The following DLG2 variants were observed in gnomAD, a reference collection of about 807,000 sequenced individuals.
DLG2 encodes discs large MAGUK scaffold protein 2, also known as disks large homolog 2.
Under a neutral mutation model 132.5 loss-of-function variants are expected in DLG2, and 45 were observed. The ratio of observed to expected loss-of-function variants is 0.34; its 90% confidence interval spans 0.27 to 0.44. The LOEUF (loss-of-function observed/expected upper bound fraction) is 0.44, where lower values mean the gene tolerates loss of function less well. DLG2 is among the 20% of genes least tolerant of loss of function. The pLI, the probability that DLG2 is intolerant of heterozygous loss-of-function variation, is 1.00. For synonymous variants in DLG2, 424 were observed against 419.6 expected, an observed-to-expected ratio of 1.01 and a Z score of -0.13; for missense variants, 1,045 against 1,196.9, an observed-to-expected ratio of 0.87 and a Z score of 1.87.
intron 18 of DLG2, among the ~76,000 whole-genome samples, chr11:83,673,498 A>G (rs1432875138): frequency 7.9e-5 from 12 of 152,242 alleles, no homozygotes; most frequent in African/African-American, 2.4e-4. Context: ...GAAGCAAGCA[A>G]GACAATAATG....
chr11:84,446,804 T>C (rs1458780032), intron 7 of DLG2, among the ~76,000 whole-genome samples: 1 of 152,094 alleles, frequency 6.6e-6, no homozygotes, highest in African/African-American at 2.4e-5. Flanking sequence ...TCAAGTGTCC[T>C]GCCCTGAATG....
intron 11 of DLG2, among the ~76,000 whole-genome samples, chr11:84,006,240 C>T (rs1396258869): frequency 6.6e-6 from 1 of 151,622 alleles, no homozygotes; most frequent in Non-Finnish European, 1.5e-5. Context: ...ACAATTATTG[C>T]ATGTTTTCAC....
chr11:85,598,548 A>G (rs1306679106), intron 3 of DLG2, 109 bp downstream of exon 3: 1 of 686,944 alleles, frequency 1.5e-6, no homozygotes, highest in Non-Finnish European at 2.1e-6. Flanking sequence ...ATTAAAGAAA[A>G]TTATCCCAGT....
At chr11:84,086,228 GAAC>G (rs2096977841) in intron 10 of DLG2, among the ~76,000 whole-genome samples, 1 of 152,052 alleles carries the variant, frequency 6.6e-6, no homozygotes, top group Non-Finnish European at 1.5e-5. Context: ...ATCTTTAAAT[GAAC>G]AACAATATGA....
intron 7 of DLG2, 67 bp from the exon 8 acceptor site, chr11:84,251,358 A>G (rs1307489247): frequency 4.9e-6 from 6 of 1,233,490 alleles, no homozygotes; most frequent in Non-Finnish European, 6.7e-6. Context: ...TATTTCTGTT[A>G]ACTTATTTAA....
Position 83,776,391 on chromosome 11 carries a change from G to C in DLG2, c.1825+10299C>G, listed in dbSNP as rs74362953. ...GCTGGATTGCTGTGATGTGAACATAGCTCACTGCATCCTTGAACTGCTGGT... is the reference window on the plus strand; with the variant it reads ...GCTGGATTGCTGTGATGTGAACATACCTCACTGCATCCTTGAACTGCTGGT... On this transcript the variant is annotated intron_variant, in intron 18 of 27. Transcript: ENST00000376104. 8.5e-3 allele frequency among the ~76,000 whole-genome samples: 1,296 copies of C among 152,206 alleles called. 18 individuals are homozygous for C. The highest frequency in any genetic ancestry group is 0.029 in the African/African-American group (1,224 of 41,528).
intron 4 of DLG2, among the ~76,000 whole-genome samples, chr11:85,169,379 A>T (rs2078684746): frequency 6.6e-6 from 1 of 152,178 alleles, no homozygotes; most frequent in Non-Finnish European, 1.5e-5. Flanking sequence ...AAATAAACTG[A>T]TAACATGAAA....
At chr11:83,765,156 G>A (rs1457390583) in intron 18 of DLG2, among the ~76,000 whole-genome samples, 2 of 152,164 alleles carry the variant, frequency 1.3e-5, no homozygotes, top group Non-Finnish European at 2.9e-5. Context: ...ATAGCCTAAA[G>A]AAAGTCCTGG....
chr11:83,499,744 G>A (rs1230889200), intron 21 of DLG2, among the ~76,000 whole-genome samples: 1 of 146,396 alleles, frequency 6.8e-6, no homozygotes, highest in African/African-American at 2.5e-5. Context: ...GGTATCTTGT[G>A]ATCTTGTGAG....
At chr11:85,364,489 A>G (rs2084389213) in intron 3 of DLG2, among the ~76,000 whole-genome samples, 1 of 152,132 alleles carries the variant, frequency 6.6e-6, no homozygotes, top group African/African-American at 2.4e-5. Flanking sequence ...AGGCTGACTG[A>G]TTCTACACTG....
At chr11:85,275,396 C>A (rs1215117296) in intron 4 of DLG2, among the ~76,000 whole-genome samples, 2 of 152,072 alleles carry the variant, frequency 1.3e-5, no homozygotes. Flanking sequence ...ATATGCTAGA[C>A]CTTAATCTTA....
intron 8 of DLG2, among the ~76,000 whole-genome samples, chr11:84,207,075 C>CTATATATA (rs1478236533): frequency 5.7e-5 from 6 of 105,642 alleles, no homozygotes; most frequent in African/African-American, 1.9e-4. Flanking sequence ...CTCTCTCTCT[C>CTATATATA]TCTCTCTATA....
intron 6 of DLG2, among the ~76,000 whole-genome samples, chr11:85,080,701 A>AC (rs1185423012): frequency 6.6e-6 from 1 of 152,126 alleles, no homozygotes; most frequent in African/African-American, 2.4e-5. Context: ...GTAACTTAAT[A>AC]CCACAAAGGG....
chr11:84,545,664 C>A, intron 6 of DLG2: 1 of 286,936 alleles, frequency 3.5e-6, no homozygotes, highest in South Asian at 4.5e-5. Context: ...AAGGCAAAAT[C>A]CCTTTGCTTG....
chr11:84,201,710 A>T (rs749774978), intron 8 of DLG2, among the ~76,000 whole-genome samples: 1 of 148,348 alleles, frequency 6.7e-6, no homozygotes, highest in South Asian at 2.1e-4. Flanking sequence ...GAATGTATCA[A>T]TTTTTTCTAG....
intron 7 of DLG2, among the ~76,000 whole-genome samples, chr11:84,519,385 A>G (rs1034131440): frequency 2.6e-5 from 4 of 152,194 alleles, no homozygotes; most frequent in Non-Finnish European, 5.9e-5. Flanking sequence ...AGCATAAAGA[A>G]AACAGCCTTA....
intron 18 of DLG2, among the ~76,000 whole-genome samples, chr11:83,763,273 C>T (rs544807407): frequency 2.0e-5 from 3 of 151,958 alleles, no homozygotes; most frequent in South Asian, 4.1e-4. Context: ...TATTTAGTCA[C>T]CCAGGTAATA....
chr11:84,413,838 TC>T (rs2098918880), intron 7 of DLG2, among the ~76,000 whole-genome samples: 1 of 152,200 alleles, frequency 6.6e-6, no homozygotes, highest in Non-Finnish European at 1.5e-5. Flanking sequence ...GATTTTTTTT[TC>T]TTCAGTATAA....
At chr11:83,722,485 G>C (rs1373974656) in intron 18 of DLG2, among the ~76,000 whole-genome samples, 1 of 152,134 alleles carries the variant, frequency 6.6e-6, no homozygotes, top group Non-Finnish European at 1.5e-5. Flanking sequence ...AAGTACTGAT[G>C]GGGGTGAGCT....
Sources: gnomAD v4.1 joint callset for allele counts (sites outside exome capture counted in the v4.1 genomes callset) on GRCh38, gnomAD v4.1.1 for gene constraint, MANE v1.5 for transcripts, NCBI Gene and HGNC (gene_info 2026-07-23, HGNC 2026-07-21) for gene names.